IFT80: variants seen among roughly 807,000 people sequenced by gnomAD.
IFT80 encodes the protein intraflagellar transport protein 80 homolog.
In IFT80, 79 loss-of-function variants were observed where a neutral mutation model predicts 107.9. That is an observed-to-expected ratio of 0.73 (90% CI 0.61 to 0.88). The LOEUF (loss-of-function observed/expected upper bound fraction) is 0.88, where lower values mean the gene tolerates loss of function less well. Ranked by LOEUF, IFT80 falls within the 40% of genes least tolerant of loss-of-function variation. The pLI, the probability that IFT80 is intolerant of heterozygous loss-of-function variation, is 0.00. For synonymous variants in IFT80, 299 were observed against 300.9 expected, an observed-to-expected ratio of 0.99 and a Z score of 0.07; for missense variants, 797 against 914.2, an observed-to-expected ratio of 0.87 and a Z score of 1.65.
At chr3:160,359,549 C>A (rs919554062) in intron 6 of IFT80, among the ~76,000 whole-genome samples, 4 of 152,118 alleles carry the variant, frequency 2.6e-5, no homozygotes, top group African/African-American at 9.7e-5. Flanking sequence ...GTCCTTGACC[C>A]CCGTGTAGCC....
chr3:160,374,081 G>A (rs1230291724), intron 5 of IFT80, among the ~76,000 whole-genome samples: 1 of 152,098 alleles, frequency 6.6e-6, no homozygotes, highest in Non-Finnish European at 1.5e-5. Context: ...TAAATGGGAA[G>A]GAGATAACAG....
At chr3:160,309,325 T>C (rs1049278794) in intron 9 of IFT80, among the ~76,000 whole-genome samples, 1 of 152,142 alleles carries the variant, frequency 6.6e-6, no homozygotes, top group African/African-American at 2.4e-5. Context: ...TATGATATAG[T>C]CACACAGGGG....
intron 12 of IFT80, among the ~76,000 whole-genome samples, chr3:160,289,440 C>A (rs1403126335): frequency 6.6e-6 from 1 of 152,012 alleles, no homozygotes; most frequent in East Asian, 1.9e-4. Context: ...GCACATGTAC[C>A]CTGAACCTAA....
intron 8 of IFT80, among the ~76,000 whole-genome samples, chr3:160,334,223 G>C (rs1719296253): frequency 6.6e-6 from 1 of 152,178 alleles, no homozygotes; most frequent in Non-Finnish European, 1.5e-5. Context: ...ACAACAGACT[G>C]TGCTTTCAGT....
intron 5 of IFT80, among the ~76,000 whole-genome samples, chr3:160,374,823 C>T (rs1711873293): frequency 6.6e-6 from 1 of 152,164 alleles, no homozygotes; most frequent in African/African-American, 2.4e-5. Context: ...TTGCTGTTAA[C>T]TGAAACTTAC....
chr3:160,398,836 A>T (rs1458984123), intron 1 of IFT80, among the ~76,000 whole-genome samples: 2 of 151,936 alleles, frequency 1.3e-5, no homozygotes, highest in African/African-American at 4.8e-5. Flanking sequence ...AGAGCCTTTT[A>T]GTCAAATTAT....
intron 9 of IFT80, among the ~76,000 whole-genome samples, chr3:160,307,991 AAAT>A (rs1716952300): frequency 6.6e-6 from 1 of 152,170 alleles, no homozygotes; most frequent in African/African-American, 2.4e-5. Flanking sequence ...AATCTCTTAG[AAAT>A]AAGAAGAAAA....
intron 6 of IFT80, 141 bp downstream of exon 6, chr3:160,365,902 G>T (rs1559963270): frequency 1.4e-6 from 1 of 702,010 alleles, no homozygotes; most frequent in East Asian, 2.6e-5. Flanking sequence ...TCCTTGTTCT[G>T]TAATAAAGGC....
intron 1 of IFT80, among the ~76,000 whole-genome samples, chr3:160,391,965 A>T (rs1028962131): frequency 6.6e-6 from 1 of 152,252 alleles, no homozygotes; most frequent in African/African-American, 2.4e-5. Context: ...GGTATGACAC[A>T]GTAGTCCCAA....
intron 12 of IFT80, among the ~76,000 whole-genome samples, chr3:160,299,764 A>T (rs1334669166): frequency 6.6e-6 from 1 of 152,108 alleles, no homozygotes; most frequent in Non-Finnish European, 1.5e-5. Context: ...GTTCACTCTC[A>T]TCCCTGCTTG....
chr3:160,332,635 G>A (rs745337585), intron 8 of IFT80, among the ~76,000 whole-genome samples: 2 of 152,202 alleles, frequency 1.3e-5, no homozygotes, highest in Non-Finnish European at 2.9e-5. Context: ...AATGGATGCT[G>A]GGACAGCATT....
At chr3:160,344,468 G>A (rs1039414185) in intron 8 of IFT80, among the ~76,000 whole-genome samples, 8 of 152,004 alleles carry the variant, frequency 5.3e-5, no homozygotes, top group South Asian at 2.1e-4. Context: ...GTCTTAAATC[G>A]AAGACCCAAA....
intron 1 of IFT80, among the ~76,000 whole-genome samples, chr3:160,386,354 C>T (rs762135495): frequency 6.6e-6 from 1 of 152,124 alleles, no homozygotes; most frequent in Non-Finnish European, 1.5e-5. Flanking sequence ...GCTGCCTGAA[C>T]GCTGCATTGA....
chr3:160,378,493 T>G (rs936220682), intron 3 of IFT80, among the ~76,000 whole-genome samples: 4 of 152,028 alleles, frequency 2.6e-5, no homozygotes, highest in African/African-American at 9.7e-5. Context: ...TGTTATCTTG[T>G]TTTTTTAAAT....
chr3:160,269,992 C>T (rs1004663209), intron 18 of IFT80, among the ~76,000 whole-genome samples: 1 of 151,922 alleles, frequency 6.6e-6, no homozygotes, highest in Non-Finnish European at 1.5e-5. Flanking sequence ...TTTTGGCATG[C>T]TTTGGTTTGG....
At chr3:160,307,081 G>A (rs1716883329) in intron 10 of IFT80, among the ~76,000 whole-genome samples, 1 of 152,198 alleles carries the variant, frequency 6.6e-6, no homozygotes, top group Admixed American at 6.5e-5. Flanking sequence ...TCAACTGGTA[G>A]TATGCTAGAG....
At chr3:160,345,132 C>G (rs1449413246) in intron 8 of IFT80, among the ~76,000 whole-genome samples, 2 of 152,158 alleles carry the variant, frequency 1.3e-5, no homozygotes, top group Non-Finnish European at 2.9e-5. Flanking sequence ...CAAGAGCTAT[C>G]TCCATGTTTG....
intron 5 of IFT80, among the ~76,000 whole-genome samples, chr3:160,371,092 A>T (rs1576884347): frequency 6.6e-6 from 1 of 152,184 alleles, no homozygotes; most frequent in Admixed American, 6.5e-5. Context: ...CAGGACTGTC[A>T]GTGTTTTGGT....
intron 8 of IFT80, among the ~76,000 whole-genome samples, chr3:160,349,734 G>A (rs1720540873): frequency 6.6e-6 from 1 of 152,106 alleles, no homozygotes; most frequent in Non-Finnish European, 1.5e-5. Flanking sequence ...AAGAAGCCTT[G>A]GCAAGTTTTT....
Sources: gnomAD v4.1 joint callset for allele counts (sites outside exome capture counted in the v4.1 genomes callset) on GRCh38, gnomAD v4.1.1 for gene constraint, MANE v1.5 for transcripts, NCBI Gene and HGNC (gene_info 2026-07-23, HGNC 2026-07-21) for gene names.